DMXL1: variants seen among roughly 807,000 people sequenced by gnomAD.
DMXL1 encodes Dmx like 1.
In DMXL1, 99 loss-of-function variants were observed where a neutral mutation model predicts 319.2. That is an observed-to-expected ratio of 0.31 (90% CI 0.26 to 0.37). The LOEUF (loss-of-function observed/expected upper bound fraction) is 0.37. Among genes scored for constraint, DMXL1 ranks in the 10% least tolerant of loss-of-function variants. The probability of loss-of-function intolerance (pLI) is 1.00; values close to 1 mark genes in which losing one functional copy is unlikely to be tolerated. For synonymous variants in DMXL1, 1,385 were observed against 1,235.2 expected (o/e 1.12, Z -2.54); for missense variants, 3,745 against 3,595.6 (o/e 1.04, Z -1.06).
At chr5:119,202,883 TTTTA>T (rs1353965057) in intron 32 of DMXL1, among the ~76,000 whole-genome samples, 103 of 71,508 alleles carry the variant, frequency 1.4e-3, no homozygotes, top group African/African-American at 2.7e-3. Context: ...ATATATATAT[TTTTA>T]TATATATATA....
At chr5:119,125,584 A>G (rs1763345517) in intron 9 of DMXL1, among the ~76,000 whole-genome samples, 3 of 152,094 alleles carry the variant, frequency 2.0e-5, no homozygotes, top group Admixed American at 1.3e-4. Flanking sequence ...ATTATTTTTG[A>G]GATGAAGTCT....
chr5:119,150,583 G>GT lies in DMXL1; in HGVS notation c.4594+165dup, dbSNP rs560764497. Among the ~76,000 whole-genome samples, 20 of 152,064 alleles carry GT rather than the reference G, an allele frequency of 1.3e-4. No homozygotes were observed. In the South Asian group the frequency reaches 3.7e-3, roughly 28 times the overall value. On this transcript the variant is annotated intron_variant, in intron 18 of 43. Coordinates refer to ENST00000539542, the MANE Select transcript of DMXL1 (RefSeq NM_001290321.3). The stretch of plus-strand genomic sequence containing the variant: ...GCAGGAGGATCACTTGAACCTAGGA[G>GT]TTTAAGACCAGTCTGGGCAACATAG...
rs75512782 is a variant in DMXL1 at position 119,235,874 on chromosome 5, T to G, written c.8467-1448T>G. Among the ~76,000 whole-genome samples the G allele has an allele frequency of 0.01, 1,560 of 152,132 alleles. 55 individuals are homozygous for G. The East Asian group carries it at 0.11, about 10-fold the overall frequency. On this transcript the variant is annotated intron_variant, in intron 39 of 43. Transcript: ENST00000539542. ...CTATCATTCAAATTTGCTAGCAAAA[T>G]AAACATATTTTTAGGTATACAGAGA...
chr5:119,141,269 A>G (rs980487040), intron 13 of DMXL1, among the ~76,000 whole-genome samples: 5 of 152,116 alleles, frequency 3.3e-5, no homozygotes, highest in African/African-American at 1.2e-4. Context: ...ATCAGGAAAG[A>G]GGAATAAAAG....
chr5:119,175,224 A>G, intron 25 of DMXL1, 37 bp from the exon 26 acceptor site: 1 of 1,521,746 alleles, frequency 6.6e-7, no homozygotes, highest in Non-Finnish European at 8.9e-7. Context: ...CACTTTAAAA[A>G]GGTTATACTT....
At chr5:119,188,078 A>G (rs1778060992) in intron 28 of DMXL1, among the ~76,000 whole-genome samples, 1 of 152,220 alleles carries the variant, frequency 6.6e-6, no homozygotes, top group South Asian at 2.1e-4. Context: ...TGTAGTTTCA[A>G]ATGTTTCTGT....
Position 119,197,823 on chromosome 5 carries a change from C to T in DMXL1, c.7612C>T (p.Leu2538Phe), listed in dbSNP as rs779473424. 59 of 1,614,060 alleles carry T rather than the reference C, an allele frequency of 3.7e-5. No individual in the cohort carries two copies. Among genetic ancestry groups the T allele is most frequent in the Non-Finnish European group, 4.6e-5 (54 of 1,180,036 alleles). The part of the protein sequence containing the change: ...KTLQCWEQVL[L>F]RRLEIHGGPP... ...TCTTCAATGTTGGGAACAAGTTCTT[C>T]TCCGACGACTTGAAATCCATGGTGG... Residue 2538 changes from leucine to phenylalanine, a missense_variant, in exon 32 of 44, where the codon CTC (leucine) becomes TTC (phenylalanine). Leu to Phe is a conservative substitution (Grantham distance 22, BLOSUM62 0). This residue lies in a region of DMXL1 where 1,382 missense variants were observed against 1,269.5 expected (regional missense o/e 1.09). Transcript: ENST00000539542.
At chr5:119,092,229 A>G (rs1240950846) in intron 1 of DMXL1, among the ~76,000 whole-genome samples, 2 of 151,944 alleles carry the variant, frequency 1.3e-5, no homozygotes, top group Non-Finnish European at 2.9e-5. Flanking sequence ...ATTTCTGGTG[A>G]TACTTTCAGC....
chr5:119,087,863 G>A (rs1302392781), intron 1 of DMXL1, among the ~76,000 whole-genome samples: 1 of 151,906 alleles, frequency 6.6e-6, no homozygotes, highest in Non-Finnish European at 1.5e-5. Flanking sequence ...GTGCAATGGC[G>A]CTATCTCTGC....
intron 34 of DMXL1, among the ~76,000 whole-genome samples, chr5:119,212,335 C>G (rs1234209957): frequency 6.6e-6 from 1 of 152,198 alleles, no homozygotes; most frequent in Non-Finnish European, 1.5e-5. Flanking sequence ...TAGTTTATTT[C>G]ACCAAGCATA....
intron 21 of DMXL1, among the ~76,000 whole-genome samples, chr5:119,166,116 A>G (rs922589399): frequency 6.6e-6 from 1 of 152,228 alleles, no homozygotes; most frequent in Non-Finnish European, 1.5e-5. Flanking sequence ...ATTATCATAA[A>G]TAGTTCATCA....
At chr5:119,074,550 A>G (rs1413088251) in intron 1 of DMXL1, among the ~76,000 whole-genome samples, 1 of 152,316 alleles carries the variant, frequency 6.6e-6, no homozygotes, top group South Asian at 2.1e-4. Flanking sequence ...ATGAAACTGA[A>G]TGCCACTTCT....
At chr5:119,173,980 G>A (rs73242977) in intron 25 of DMXL1, among the ~76,000 whole-genome samples, 6,685 of 150,956 alleles carry the variant, frequency 0.044, 409 homozygotes, top group African/African-American at 0.14. Flanking sequence ...TCAGCAGGCT[G>A]AAGACCCAAA....
At chr5:119,218,937 G>A (rs1227006998) in intron 35 of DMXL1, among the ~76,000 whole-genome samples, 2 of 152,148 alleles carry the variant, frequency 1.3e-5, no homozygotes, top group Non-Finnish European at 2.9e-5. Context: ...CTAACAGTTA[G>A]CTTTCTGTTT....
chr5:119,177,883 C>T (rs749065953), intron 27 of DMXL1, 113 bp from the exon 28 acceptor site: 11 of 907,606 alleles, frequency 1.2e-5, no homozygotes, highest in African/African-American at 1.7e-5. Context: ...GAAGAAAATA[C>T]AGTATTAACT....
chr5:119,112,570 C>T (rs72784078), intron 5 of DMXL1, among the ~76,000 whole-genome samples: 7,629 of 152,224 alleles, frequency 0.05, 257 homozygotes, highest in Non-Finnish European at 0.079. Flanking sequence ...GAGGAGATTT[C>T]AAAGGAGCTC....
intron 37 of DMXL1, among the ~76,000 whole-genome samples, chr5:119,223,457 C>T (rs561945150): frequency 2.0e-5 from 3 of 152,182 alleles, no homozygotes; most frequent in South Asian, 2.1e-4. Flanking sequence ...TGGTATTGGA[C>T]GTATAGTAGG....
chr5:119,114,366 A>G, intron 5 of DMXL1, 109 bp from the exon 6 acceptor site: 1 of 772,968 alleles, frequency 1.3e-6, no homozygotes, highest in Non-Finnish European at 2.1e-6. Context: ...TGTGAAACTT[A>G]TAACATTTTC....
intron 19 of DMXL1, among the ~76,000 whole-genome samples, chr5:119,161,199 C>A (rs1222254240): frequency 6.6e-6 from 1 of 152,200 alleles, no homozygotes; most frequent in Admixed American, 6.5e-5. Context: ...GGTGGCTAGG[C>A]CCCTGCCTTT....
Sources: allele counts gnomAD v4.1 joint callset (sites outside exome capture counted in the v4.1 genomes callset), GRCh38; gene constraint gnomAD v4.1.1; regional missense constraint gnomAD v4.1.1; transcripts MANE v1.5; gene names NCBI Gene and HGNC (gene_info 2026-07-23, HGNC 2026-07-21).